The following LMOD1 variants were observed in gnomAD, a reference collection of about 807,000 sequenced individuals.
LMOD1 encodes leiomodin-1.
A neutral mutation model predicts 36.5 loss-of-function variants in LMOD1; 8 were observed. The observed-to-expected ratio is 0.22, with a 90% confidence interval of 0.13 to 0.40. The LOEUF (loss-of-function observed/expected upper bound fraction) is 0.40, where lower values mean the gene tolerates loss of function less well. LMOD1 is among the 10% of genes least tolerant of loss of function. LMOD1 has a pLI of 1.00. For synonymous variants in LMOD1, 284 were observed against 288.7 expected (o/e 0.98, Z 0.17); for missense variants, 630 against 751.1 (o/e 0.84, Z 1.88).
At chr1:201,915,241 C>T (rs1681583826) in intron 1 of LMOD1, among the ~76,000 whole-genome samples, 2 of 123,820 alleles carry the variant, frequency 1.6e-5, no homozygotes, top group South Asian at 2.6e-4. Flanking sequence ...GACCCTCTTC[C>T]TTGAGACATG....
chr1:201,913,464 G>T (rs1039950583), intron 1 of LMOD1, among the ~76,000 whole-genome samples: 1 of 152,110 alleles, frequency 6.6e-6, no homozygotes, highest in African/African-American at 2.4e-5. Flanking sequence ...AAAATTAGCC[G>T]GGCATGGTGG....
chr1:201,920,871 A>T (rs550382963), intron 1 of LMOD1, among the ~76,000 whole-genome samples: 14 of 152,274 alleles, frequency 9.2e-5, no homozygotes, highest in Middle Eastern at 3.4e-3. Flanking sequence ...TCTAAAAATA[A>T]AAATAAATAA....
At chr1:201,930,369 C>T (rs964827333) in intron 1 of LMOD1, among the ~76,000 whole-genome samples, 4 of 151,918 alleles carry the variant, frequency 2.6e-5, no homozygotes, top group South Asian at 2.1e-4. Flanking sequence ...AGTTGAATTG[C>T]GAGGAGGGGC....
intron 1 of LMOD1, among the ~76,000 whole-genome samples, chr1:201,915,749 C>G (rs562388935): frequency 6.6e-6 from 1 of 152,138 alleles, no homozygotes; most frequent in East Asian, 1.9e-4. Flanking sequence ...ATCAATCCCT[C>G]TCCTCCATCC....
chr1:201,924,636 TAAAGAAAG>T (rs140290199), intron 1 of LMOD1, among the ~76,000 whole-genome samples: 26,518 of 95,636 alleles, frequency 0.28, 3,439 homozygotes, highest in East Asian at 0.49. Context: ...AAAGGAAGAA[TAAAGAAAG>T]AAAGAGAGAA....
chr1:201,943,414 G>C (rs1215253001), intron 1 of LMOD1, among the ~76,000 whole-genome samples: 1 of 152,174 alleles, frequency 6.6e-6, no homozygotes, highest in Non-Finnish European at 1.5e-5. Context: ...TCTCTGTTTT[G>C]ACCACTTTTC....
At chr1:201,903,635 C>T (rs1454961190) in intron 1 of LMOD1, among the ~76,000 whole-genome samples, 4 of 152,222 alleles carry the variant, frequency 2.6e-5, no homozygotes. Context: ...CTCCTATTCC[C>T]TGATCCCATC....
chr1:201,923,850 G>A (rs1238278126), intron 1 of LMOD1, among the ~76,000 whole-genome samples: 1 of 151,136 alleles, frequency 6.6e-6, no homozygotes, highest in Admixed American at 6.6e-5. Flanking sequence ...GGGTGACCGG[G>A]AGTGTGATGC....
At chr1:201,933,016 G>C (rs1681952310) in intron 1 of LMOD1, among the ~76,000 whole-genome samples, 1 of 152,180 alleles carries the variant, frequency 6.6e-6, no homozygotes, top group African/African-American at 2.4e-5. Context: ...AGCATTGTTT[G>C]TAATAGTCCC....
chr1:201,922,950 G>A (rs993756336), intron 1 of LMOD1, among the ~76,000 whole-genome samples: 5 of 151,840 alleles, frequency 3.3e-5, no homozygotes, highest in East Asian at 3.9e-4. Flanking sequence ...TCAGCCTCAC[G>A]AGTAGCTGGG....
chr1:201,901,705 T>C (rs1681330308), intron 1 of LMOD1, among the ~76,000 whole-genome samples: 1 of 134,938 alleles, frequency 7.4e-6, no homozygotes, highest in African/African-American at 2.8e-5. Context: ...TATATATATA[T>C]GTGAAAACAT....
At position 201,917,803 on chromosome 1, in the gene LMOD1, G is replaced by T. The variant is rs1373750313; in HGVS notation, c.262-17052C>A. ...GTCCCAGGCTTCTGGGTCCCACTTA[G>T]GTCCCGGAGGGTGGCAGAAGGAACA... On this transcript the variant is annotated intron_variant, in intron 1 of 2. Coordinates refer to ENST00000367288, the MANE Select transcript of LMOD1 (RefSeq NM_012134.3). Among the ~76,000 whole-genome samples the T allele has an allele frequency of 3.3e-5, 5 of 152,334 alleles. No individual in the cohort carries two copies. In the East Asian group the frequency reaches 9.6e-4, roughly 29 times the overall value.
At position 201,946,064 on chromosome 1, in the gene LMOD1, G is replaced by A. The variant is rs748830637; in HGVS notation, c.261+16C>T. 5 of 1,609,506 alleles carry A rather than the reference G, an allele frequency of 3.1e-6. No individual in the cohort carries two copies. The highest frequency in any genetic ancestry group is 3.4e-6 in the Non-Finnish European group (4 of 1,176,326). On this transcript the variant is annotated intron_variant, in intron 1 of 2. Coordinates refer to ENST00000367288, the MANE Select transcript of LMOD1 (RefSeq NM_012134.3). ...CCCCTGTCTCCCTCCTCCCCTCCAG[G>A]GCTGTGCTCACTCACATCCATGGAC...
intron 1 of LMOD1, among the ~76,000 whole-genome samples, chr1:201,924,657 AAAGAAAAAAAAGAAAGAAAG>A (rs1224635006): frequency 7.2e-6 from 1 of 137,964 alleles, no homozygotes; most frequent in East Asian, 2.4e-4. Flanking sequence ...AGAGAGAAAG[AAAGAAAAAAAAGAAAGAAAG>A]AAAGAAAGAA....
At position 201,929,019 on chromosome 1, in the gene LMOD1, G is replaced by A. The variant is rs560524504; in HGVS notation, c.261+17061C>T. Among the ~76,000 whole-genome samples, 4 of 152,118 alleles carry A rather than the reference G, an allele frequency of 2.6e-5. No individual in the cohort carries two copies. The South Asian group carries it at 8.3e-4, about 32-fold the overall frequency. The stretch of plus-strand genomic sequence containing the variant: ...AGGCATGAGCCACCACACCCGGCCT[G>A]CAAAAATATAATTAATATTTTCTTT... On this transcript the variant is annotated intron_variant, in intron 1 of 2. Coordinates refer to ENST00000367288, the MANE Select transcript of LMOD1 (RefSeq NM_012134.3).
In LMOD1 at chr1:201,909,968, A is replaced by G. The variant is rs546537668; in HGVS notation, c.262-9217T>C. Among the ~76,000 whole-genome samples the G allele has an allele frequency of 2.6e-5, 4 of 152,368 alleles. No homozygotes were observed. The South Asian group carries it at 6.2e-4, about 24-fold the overall frequency. On this transcript the variant is annotated intron_variant, in intron 1 of 2. Transcript: ENST00000367288. ...ACTCTTTCACCTGAATGCCTGGTCC[A>G]GACACAGCCCTTCACCCCCAGCCAC...
rs1444133218 is a variant in LMOD1 at position 201,900,410 on chromosome 1, G to A, written c.603C>T (p.Ser201=). The change falls in exon 2 of 3, where the codon AGC becomes AGT. Residue 201 remains serine, a synonymous_variant. Coordinates refer to ENST00000367288, the MANE Select transcript of LMOD1 (RefSeq NM_012134.3). ...CCTCTCTCTTTTTATCCTTGTCCCT[G>A]CTCAAGCCTGTGTTCCTGTCACTCC... ...KKGSDRNTGL[S]RDKDKKREEM... The A allele has an allele frequency of 1.3e-6, 2 of 1,568,708 alleles. No individual in the cohort carries two copies. Among genetic ancestry groups the A allele is most frequent in the East Asian group, 4.7e-5 (2 of 42,116 alleles).
At chr1:201,921,832 C>T (rs1012230216) in intron 1 of LMOD1, among the ~76,000 whole-genome samples, 8 of 151,234 alleles carry the variant, frequency 5.3e-5, no homozygotes, top group Non-Finnish European at 8.8e-5. Context: ...TGGTGGTGGG[C>T]GCCTGTAGTC....
chr1:201,898,907 G>A (rs1473051872), intron 2 of LMOD1, among the ~76,000 whole-genome samples: 1 of 152,196 alleles, frequency 6.6e-6, no homozygotes, highest in African/African-American at 2.4e-5. Flanking sequence ...TTAAAGGAAG[G>A]ACCCGAGGCA....
Sources: allele counts gnomAD v4.1 joint callset (sites outside exome capture counted in the v4.1 genomes callset), GRCh38; gene constraint gnomAD v4.1.1; transcripts MANE v1.5; gene names NCBI Gene and HGNC (gene_info 2026-07-23, HGNC 2026-07-21).